Variants in RBFOX3 observed in about 807,000 individuals in gnomAD.
RBFOX3 encodes the protein RNA binding fox-1 homolog 3.
Under a neutral mutation model 48.7 loss-of-function variants are expected in RBFOX3, and 17 were observed. That is an observed-to-expected ratio of 0.35 (90% CI 0.24 to 0.52). RBFOX3 has a LOEUF of 0.52. RBFOX3 is among the 20% of genes least tolerant of loss of function. RBFOX3 has a pLI of 0.94. For missense variants in RBFOX3, 382 were observed against 497.5 expected, an observed-to-expected ratio of 0.77 and a Z score of 2.21; for synonymous variants, 212 against 209.5, an observed-to-expected ratio of 1.01 and a Z score of -0.10.
At chr17:79,547,664 A>G (rs11867550) in intron 1 of RBFOX3, among the ~76,000 whole-genome samples, 18,671 of 152,106 alleles carry the variant, frequency 0.12, 3,891 homozygotes, top group African/African-American at 0.43. Flanking sequence ...CACTGGGGAG[A>G]AGAGACCACA....
At chr17:79,185,609 C>T (rs2053243794) in intron 4 of RBFOX3, among the ~76,000 whole-genome samples, 1 of 152,180 alleles carries the variant, frequency 6.6e-6, no homozygotes, top group African/African-American at 2.4e-5. Flanking sequence ...CTCAGGAATT[C>T]GGGACAGCCA....
chr17:79,563,265 A>G (rs1358050807), intron 1 of RBFOX3, among the ~76,000 whole-genome samples: 3 of 152,190 alleles, frequency 2.0e-5, no homozygotes, highest in African/African-American at 7.2e-5. Flanking sequence ...GGAATGTTCA[A>G]TGAGAAGGAA....
chr17:79,224,967 T>C (rs1235368380), intron 4 of RBFOX3, among the ~76,000 whole-genome samples: 1 of 152,248 alleles, frequency 6.6e-6, no homozygotes, highest in African/African-American at 2.4e-5. Context: ...TCATCATGCC[T>C]ACTAAATGTT....
At chr17:79,270,663 C>T (rs577108495) in intron 3 of RBFOX3, among the ~76,000 whole-genome samples, 1 of 152,378 alleles carries the variant, frequency 6.6e-6, no homozygotes, top group South Asian at 2.1e-4. Flanking sequence ...GCAGCGCCTG[C>T]AAAGAGAGCG....
At chr17:79,260,244 C>T (rs1043276228) in intron 3 of RBFOX3, among the ~76,000 whole-genome samples, 3 of 152,018 alleles carry the variant, frequency 2.0e-5, no homozygotes, top group South Asian at 2.1e-4. Context: ...GGCTAGCTGT[C>T]GGGGACCCCC....
At chr17:79,356,348 G>GTTTTTTTTTTTTTTTTTTTTT (rs58040659) in intron 2 of RBFOX3, among the ~76,000 whole-genome samples, 1 of 47,328 alleles carries the variant, frequency 2.1e-5, no homozygotes, top group Non-Finnish European at 4.1e-5. Context: ...AAACAGGGAA[G>GTTTTTTTTTTTTTTTTTTTTT]TTTTTTTTTT....
chr17:79,357,125 G>A (rs546470272), intron 2 of RBFOX3, among the ~76,000 whole-genome samples: 2 of 152,300 alleles, frequency 1.3e-5, no homozygotes, highest in Admixed American at 6.5e-5. Context: ...TGACAAACTC[G>A]GCCTCCCCGG....
chr17:79,518,539 C>T (rs1179088441), intron 1 of RBFOX3, among the ~76,000 whole-genome samples: 1 of 152,252 alleles, frequency 6.6e-6, no homozygotes, highest in Non-Finnish European at 1.5e-5. Flanking sequence ...GTGGGGGAAA[C>T]ACTGTAATCC....
chr17:79,262,963 C>A (rs907481611), intron 3 of RBFOX3, among the ~76,000 whole-genome samples: 1 of 152,270 alleles, frequency 6.6e-6, no homozygotes, highest in Non-Finnish European at 1.5e-5. Context: ...GGCTGATGAA[C>A]TCTGCAGGTG....
chr17:79,283,338 G>A (rs2071066194), intron 3 of RBFOX3, among the ~76,000 whole-genome samples: 1 of 148,014 alleles, frequency 6.8e-6, no homozygotes, highest in African/African-American at 2.5e-5. Context: ...GCGTGATCTC[G>A]GCTCACTGCA....
At chr17:79,320,913 C>T (rs1380374496) in intron 2 of RBFOX3, among the ~76,000 whole-genome samples, 1 of 152,208 alleles carries the variant, frequency 6.6e-6, no homozygotes, top group Non-Finnish European at 1.5e-5. Context: ...TGAGAAGCCA[C>T]CTTCCCTGCA....
At chr17:79,604,037 T>A (rs1224455235) in intron 1 of RBFOX3, 1 of 152,274 alleles carries the variant, frequency 6.6e-6, no homozygotes, top group Non-Finnish European at 1.5e-5. Context: ...CTTTAAGAGC[T>A]CATGAAAGGT....
At chr17:79,108,110 C>A (rs2077758320) in intron 5 of RBFOX3, among the ~76,000 whole-genome samples, 1 of 152,226 alleles carries the variant, frequency 6.6e-6, no homozygotes, top group African/African-American at 2.4e-5. Flanking sequence ...TCTGGGCCTC[C>A]TGACACTCCC....
chr17:79,350,497 C>A (rs1412639943), intron 2 of RBFOX3, among the ~76,000 whole-genome samples: 1 of 152,138 alleles, frequency 6.6e-6, no homozygotes, highest in Non-Finnish European at 1.5e-5. Flanking sequence ...CCAATGAATC[C>A]TGGTTTGTCT....
chr17:79,097,679 C>T lies in RBFOX3; in HGVS notation c.622+13G>A. 1 of 1,545,818 alleles carries T rather than the reference C, an allele frequency of 6.5e-7. No individual in the cohort carries two copies. The highest frequency in any genetic ancestry group is 8.8e-7 in the Non-Finnish European group (1 of 1,142,534). On this transcript the variant is annotated intron_variant, in intron 10 of 14. Coordinates refer to ENST00000693108, the MANE Select transcript of RBFOX3 (RefSeq NM_001350451.2). ...CTGGTCTCATCCCATCCCCGCCCCG[C>T]CCCAGCTTTTACCTGCATAGAATTC...
At chr17:79,424,387 CT>C (rs2148796175) in intron 2 of RBFOX3, among the ~76,000 whole-genome samples, 1 of 152,272 alleles carries the variant, frequency 6.6e-6, no homozygotes, top group Admixed American at 6.5e-5. Context: ...GAAGCTGGGG[CT>C]TGGCAGGAAA....
chr17:79,118,035 T>C (rs1425131699), intron 4 of RBFOX3, among the ~76,000 whole-genome samples: 1 of 151,804 alleles, frequency 6.6e-6, no homozygotes, highest in African/African-American at 2.4e-5. Context: ...CAACCTAGGG[T>C]GGGTGCGCAT....
intron 4 of RBFOX3, among the ~76,000 whole-genome samples, chr17:79,201,852 G>A (rs2056808876): frequency 6.6e-6 from 1 of 152,168 alleles, no homozygotes. Context: ...AAGAGCCTGG[G>A]GCAGACTTGG....
intron 2 of RBFOX3, among the ~76,000 whole-genome samples, chr17:79,435,365 C>T (rs1598677942): frequency 6.6e-6 from 1 of 152,310 alleles, no homozygotes. Flanking sequence ...AAAGCTCATG[C>T]CCTGAGTGTC....
Sources: gnomAD v4.1 joint callset for allele counts (sites outside exome capture counted in the v4.1 genomes callset) on GRCh38, gnomAD v4.1.1 for gene constraint, MANE v1.5 for transcripts, NCBI Gene and HGNC (gene_info 2026-07-23, HGNC 2026-07-21) for gene names.